The following DLG2 variants were observed in gnomAD, a reference collection of about 807,000 sequenced individuals.
DLG2 encodes disks large homolog 2.
DLG2 carries 45 observed loss-of-function variants against 132.5 expected under a neutral mutation model. The observed-to-expected ratio is 0.34, with a 90% CI of 0.27 to 0.44. The LOEUF (loss-of-function observed/expected upper bound fraction) is 0.44. Among genes scored for constraint, DLG2 ranks in the 20% least tolerant of loss-of-function variants. DLG2 has a pLI of 1.00. For synonymous variants in DLG2, 424 were observed against 419.6 expected (o/e 1.01, Z -0.13); for missense variants, 1,045 against 1,196.9 (o/e 0.87, Z 1.87).
chr11:85,534,507 C>T (rs1244893813), intron 3 of DLG2, among the ~76,000 whole-genome samples: 1 of 152,130 alleles, frequency 6.6e-6, no homozygotes, highest in Non-Finnish European at 1.5e-5. Flanking sequence ...TACCTCCCCA[C>T]TTTTGGAGTC....
intron 6 of DLG2, among the ~76,000 whole-genome samples, chr11:85,040,354 A>G (rs769158908): frequency 6.6e-6 from 1 of 151,970 alleles, no homozygotes; most frequent in South Asian, 2.1e-4. Context: ...TGTACCGTGT[A>G]ATGTTATGTT....
chr11:85,583,088 A>ATG (rs3068389), intron 3 of DLG2, among the ~76,000 whole-genome samples: 629 of 29,772 alleles, frequency 0.021, 44 homozygotes, highest in Non-Finnish European at 0.023. Context: ...AATATATGTG[A>ATG]TGTGTGTGTG....
chr11:84,997,812 C>T (rs1163172956), intron 6 of DLG2: 2 of 152,156 alleles, frequency 1.3e-5, no homozygotes, highest in Non-Finnish European at 2.9e-5. Context: ...CAATATTACG[C>T]TACGTGATGC....
chr11:84,895,101 A>C (rs1315404139), intron 6 of DLG2, among the ~76,000 whole-genome samples: 1 of 152,220 alleles, frequency 6.6e-6, no homozygotes, highest in Non-Finnish European at 1.5e-5. Flanking sequence ...TTAATTGTAG[A>C]ATTATTACAA....
At chr11:84,726,901 C>T (rs1421180516) in intron 6 of DLG2, among the ~76,000 whole-genome samples, 1 of 152,152 alleles carries the variant, frequency 6.6e-6, no homozygotes, top group African/African-American at 2.4e-5. Flanking sequence ...TAAATGTCTT[C>T]TTTTGAGAAG....
At chr11:84,072,718 C>T (rs896745817) in intron 10 of DLG2, among the ~76,000 whole-genome samples, 1 of 152,202 alleles carries the variant, frequency 6.6e-6, no homozygotes, top group African/African-American at 2.4e-5. Context: ...AGCCATTGTA[C>T]TGCTTATAGC....
At chr11:85,401,356 T>C (rs1335350745) in intron 3 of DLG2, among the ~76,000 whole-genome samples, 8 of 152,126 alleles carry the variant, frequency 5.3e-5, no homozygotes, top group Non-Finnish European at 1.0e-4. Context: ...ATAAGAGTTA[T>C]TTATGATAAA....
intron 6 of DLG2, among the ~76,000 whole-genome samples, chr11:84,708,305 T>G (rs1372329568): frequency 1.3e-5 from 2 of 151,904 alleles, no homozygotes; most frequent in African/African-American, 2.4e-5. Context: ...AAACATTATT[T>G]TAAAATATGA....
chr11:83,570,887 T>C (rs2096784838), intron 19 of DLG2, among the ~76,000 whole-genome samples: 3 of 152,124 alleles, frequency 2.0e-5, no homozygotes, highest in African/African-American at 7.2e-5. Flanking sequence ...CTATAGTTAT[T>C]TATTTATTTA....
intron 17 of DLG2, among the ~76,000 whole-genome samples, chr11:83,789,543 C>T (rs972514771): frequency 6.6e-6 from 1 of 151,502 alleles, no homozygotes; most frequent in Non-Finnish European, 1.5e-5. Context: ...CCTAAACAAA[C>T]TGATGACTTT....
At chr11:84,188,586 A>T (rs747669824) in intron 8 of DLG2, among the ~76,000 whole-genome samples, 18 of 152,120 alleles carry the variant, frequency 1.2e-4, no homozygotes, top group Non-Finnish European at 2.4e-4. Flanking sequence ...CAAGATTGCA[A>T]GAAAATTTCT....
rs553384967 is a variant in DLG2 at position 84,842,704 on chromosome 11, C to T, written c.357+268957G>A. Reference sequence around the variant, plus strand: ...TAGGAGGATCTAAATAAATGGTTCCCGAGATTTTGCAATGGAAGAGAAATA... The same window carrying T: ...TAGGAGGATCTAAATAAATGGTTCCTGAGATTTTGCAATGGAAGAGAAATA... On this transcript the variant is annotated intron_variant, in intron 6 of 27. Transcript: ENST00000376104. Among the ~76,000 whole-genome samples the T allele has an allele frequency of 5.9e-5, 9 of 151,542 alleles. No homozygotes were observed. The South Asian group carries it at 8.3e-4, about 14-fold the overall frequency.
rs149040863 is a variant in DLG2, at chr11:84,689,490, C to T, written c.358-154759G>A. 1.5e-4 allele frequency among the ~76,000 whole-genome samples: 23 copies of T among 152,130 alleles called. 1 individual carries two copies. The East Asian group carries it at 4.4e-3, about 29-fold the overall frequency. On this transcript the variant is annotated intron_variant, in intron 6 of 27. Transcript: ENST00000376104. ...CCAGGGATAATGAGGTGATGACTCA[C>T]TTTACTGGTGTGAAAGATAAGAATG...
chr11:84,516,178 A>G (rs2099272360), intron 7 of DLG2, among the ~76,000 whole-genome samples: 1 of 151,392 alleles, frequency 6.6e-6, no homozygotes, highest in African/African-American at 2.4e-5. Context: ...GAACAAGAAA[A>G]GAAGAAAAAA....
At chr11:83,659,437 C>G (rs1591906159) in intron 18 of DLG2, among the ~76,000 whole-genome samples, 1 of 152,294 alleles carries the variant, frequency 6.6e-6, no homozygotes, top group Non-Finnish European at 1.5e-5. Flanking sequence ...TTTGCTTACT[C>G]CTTTACCCTT....
chr11:84,878,487 A>G (rs1178033591), intron 6 of DLG2, among the ~76,000 whole-genome samples: 4 of 152,136 alleles, frequency 2.6e-5, no homozygotes, highest in East Asian at 1.9e-4. Flanking sequence ...GTTCTCACTC[A>G]TAAGTGGGAG....
chr11:85,544,849 A>C (rs916042309), intron 3 of DLG2, among the ~76,000 whole-genome samples: 4 of 152,084 alleles, frequency 2.6e-5, no homozygotes, highest in Non-Finnish European at 4.4e-5. Context: ...GTATCAATCA[A>C]ACTTTGCTGA....
chr11:84,521,138 T>C (rs1297627849), intron 7 of DLG2, among the ~76,000 whole-genome samples: 1 of 152,244 alleles, frequency 6.6e-6, no homozygotes, highest in Non-Finnish European at 1.5e-5. Flanking sequence ...ATCAATCTGA[T>C]GCACACAGTT....
intron 4 of DLG2, among the ~76,000 whole-genome samples, chr11:85,174,364 A>C (rs1253112422): frequency 6.6e-6 from 1 of 152,224 alleles, no homozygotes. Context: ...CCTGCTCCTG[A>C]ATGACACTTT....
Sources: gnomAD v4.1 joint callset for allele counts (sites outside exome capture counted in the v4.1 genomes callset) on GRCh38, gnomAD v4.1.1 for gene constraint, MANE v1.5 for transcripts, NCBI Gene and HGNC (gene_info 2026-07-23, HGNC 2026-07-21) for gene names.